Variants in TEX14 observed in about 807,000 individuals in gnomAD.
TEX14 encodes the protein inactive serine/threonine-protein kinase TEX14.
TEX14 carries 168 observed loss-of-function variants against 178.6 expected under a neutral mutation model. The observed-to-expected ratio is 0.94, with a 90% CI of 0.83 to 1.07. The LOEUF (loss-of-function observed/expected upper bound fraction) is 1.07, where lower values mean the gene tolerates loss of function less well. Among genes scored for constraint, TEX14 ranks in the 50% least tolerant of loss-of-function variants. TEX14 has a pLI of 0.00. For missense variants in TEX14, 1,730 were observed against 1,753.6 expected, an observed-to-expected ratio of 0.99 and a Z score of 0.24; for synonymous variants, 626 against 634.1, an observed-to-expected ratio of 0.99 and a Z score of 0.19.
intron 1 of TEX14, among the ~76,000 whole-genome samples, chr17:58,662,668 C>T (rs1280503946): frequency 6.6e-6 from 1 of 152,140 alleles, no homozygotes; most frequent in African/African-American, 2.4e-5. Context: ...GTTTGTGAGT[C>T]TCACCTCATC....
At chr17:58,631,838 A>T (rs959232948) in intron 2 of TEX14, 1 of 152,208 alleles carries the variant, frequency 6.6e-6, no homozygotes, top group Non-Finnish European at 1.5e-5. Context: ...TATAGTCTTA[A>T]TGTCCATTTA....
chr17:58,661,302 G>C, intron 1 of TEX14: 1 of 818,262 alleles, frequency 1.2e-6, no homozygotes, highest in East Asian at 2.4e-5. Context: ...TGATCTAGAC[G>C]CTTACGGGGG....
At position 58,599,517 on chromosome 17, in the gene TEX14, G is replaced by A. The variant is rs2045377055; in HGVS notation, c.1828C>T (p.Pro610Ser). The stretch of plus-strand genomic sequence containing the variant: ...CAGAGGCTTGGCTGACCTGTGCTGG[G>A]GCTGCTGGCCTCTTCTGCCATAAAT... ...APFMAEEASS[P>S]STGQPSLCSF... The change falls in exon 14 of 32, where the codon CCC becomes TCC. Residue 610 changes from proline (P) to serine (S), a missense_variant. Physicochemically the swap from Pro to Ser is moderately conservative, Grantham distance 74 (BLOSUM62 -1). This residue lies in a region of TEX14 where 941 missense variants were observed against 1,072.4 expected (regional missense o/e 0.88). Transcript: ENST00000349033. The A allele has an allele frequency of 6.2e-7, 1 of 1,613,916 alleles. No homozygotes were observed. The highest frequency in any genetic ancestry group is 8.5e-7 in the Non-Finnish European group (1 of 1,180,000).
At chr17:58,631,366 T>C (rs528794698) in intron 2 of TEX14, among the ~76,000 whole-genome samples, 1 of 152,176 alleles carries the variant, frequency 6.6e-6, no homozygotes, top group African/African-American at 2.4e-5. Flanking sequence ...AACTGAAGCA[T>C]GAGGACTGCT....
chr17:58,571,756 A>G (rs551838200), intron 24 of TEX14, among the ~76,000 whole-genome samples, 165 bp downstream of exon 24: 7 of 152,334 alleles, frequency 4.6e-5, no homozygotes, highest in African/African-American at 1.7e-4. Flanking sequence ...AGCAAAACTT[A>G]AGCCTCCCAT....
At chr17:58,614,948 AG>A (rs1422888477) in intron 8 of TEX14, among the ~76,000 whole-genome samples, 1 of 152,238 alleles carries the variant, frequency 6.6e-6, no homozygotes, top group Non-Finnish European at 1.5e-5. Context: ...GAGAATCAGA[AG>A]GGCCTGCATG....
chr17:58,596,033 A>T (rs1465309183), intron 14 of TEX14, among the ~76,000 whole-genome samples: 1 of 152,094 alleles, frequency 6.6e-6, no homozygotes, highest in Non-Finnish European at 1.5e-5. Context: ...AAATACAAAA[A>T]TTAGCCGGGC....
At chr17:58,630,341 A>T (rs2046258143) in intron 3 of TEX14, 99 bp downstream of exon 3, 1 of 879,562 alleles carries the variant, frequency 1.1e-6, no homozygotes, top group East Asian at 2.7e-5. Flanking sequence ...TAGGTATGAG[A>T]CACCGCACCC....
intron 3 of TEX14, among the ~76,000 whole-genome samples, chr17:58,624,630 C>A (rs2046092763): frequency 6.6e-6 from 1 of 152,070 alleles, no homozygotes; most frequent in South Asian, 2.1e-4. Context: ...GAGTGAGCCA[C>A]CGCGCCCAGC....
intron 2 of TEX14, among the ~76,000 whole-genome samples, chr17:58,639,667 G>A (rs2046528065): frequency 6.6e-6 from 1 of 152,156 alleles, no homozygotes; most frequent in Non-Finnish European, 1.5e-5. Context: ...GACAGTATGA[G>A]CTAGGCTCCA....
intron 1 of TEX14, among the ~76,000 whole-genome samples, chr17:58,669,225 G>A (rs117625156): frequency 0.043 from 6,485 of 151,950 alleles, 183 homozygotes; most frequent in Non-Finnish European, 0.06. Flanking sequence ...GGTGGTACAC[G>A]CCTCTAATTC....
At chr17:58,640,811 C>T (rs2046556775) in intron 2 of TEX14, among the ~76,000 whole-genome samples, 1 of 152,080 alleles carries the variant, frequency 6.6e-6, no homozygotes, top group South Asian at 2.1e-4. Context: ...CCTCTGCCTC[C>T]TGGGATCAAG....
intron 1 of TEX14, among the ~76,000 whole-genome samples, chr17:58,689,975 G>A (rs1234177505): frequency 4.8e-5 from 7 of 146,118 alleles, no homozygotes; most frequent in South Asian, 2.2e-4. Flanking sequence ...TCAGCCTCCC[G>A]AGTAGCTGGG....
intron 29 of TEX14, among the ~76,000 whole-genome samples, chr17:58,560,312 A>AT (rs755892512): frequency 8.5e-5 from 13 of 152,062 alleles, no homozygotes; most frequent in East Asian, 3.8e-4. Context: ...GTGAAGAGAG[A>AT]TTTTTTCCCC....
rs193059732 is a variant in TEX14 at position 58,690,005 on chromosome 17, G to A, written c.-2+1934C>T. ...GCTGGGACTACAGGCGCCCACCACC[G>A]CACCCAGCTAATTTTTTGTATTTTT... On this transcript the variant is annotated intron_variant, in intron 1 of 31. Coordinates refer to ENST00000349033, the MANE Select transcript of TEX14 (RefSeq NM_031272.5). Among the ~76,000 whole-genome samples, 273 of 148,000 alleles carry A rather than the reference G, an allele frequency of 1.8e-3. 5 individuals carry two copies. The East Asian group carries it at 0.038, about 20-fold the overall frequency.
chr17:58,570,615 CCTTTTTT>C, intron 24 of TEX14, 131 bp from the exon 25 acceptor site: 2 of 329,066 alleles, frequency 6.1e-6, no homozygotes, highest in Non-Finnish European at 1.0e-5. Flanking sequence ...TGGGAAGCCT[CCTTTTTT>C]TTTTTTTTTT....
rs761441073 is a variant in TEX14 at position 58,611,262 on chromosome 17, C to T, written c.1083G>A (p.Leu361=). 1.9e-6 allele frequency: 3 copies of T among 1,613,130 alleles called. No individual in the cohort carries two copies. The highest frequency in any genetic ancestry group is 3.3e-5 in the Admixed American group (2 of 59,988). The change falls in exon 10 of 32, where the codon CTG becomes CTA. Residue 361 remains leucine, a synonymous_variant. Coordinates refer to ENST00000349033, the MANE Select transcript of TEX14 (RefSeq NM_031272.5). ...AGCGGTGGATAAACCCCTGGAAATG[C>T]AGGTATCTCAGGGCATCAGATATCT... ...LLQISDALRY[L]HFQGFIHRSL... is the part of the protein sequence containing the mutation.
intron 26 of TEX14, among the ~76,000 whole-genome samples, chr17:58,568,289 T>A (rs1211620220): frequency 2.0e-5 from 3 of 152,170 alleles, no homozygotes; most frequent in Non-Finnish European, 4.4e-5. Flanking sequence ...CTGACAGCAC[T>A]GACTGGCTCC....
intron 1 of TEX14, among the ~76,000 whole-genome samples, chr17:58,660,182 A>G (rs2047079070): frequency 6.6e-6 from 1 of 150,648 alleles, no homozygotes; most frequent in South Asian, 2.1e-4. Context: ...AGGCGGGTAG[A>G]TCACCTGAGG....
Sources: gnomAD v4.1 joint callset for allele counts (sites outside exome capture counted in the v4.1 genomes callset) on GRCh38, gnomAD v4.1.1 for gene constraint, gnomAD v4.1.1 regional missense constraint, MANE v1.5 for transcripts, NCBI Gene and HGNC (gene_info 2026-07-23, HGNC 2026-07-21) for gene names.